The following AP2A1 variants were observed in gnomAD, a reference collection of about 807,000 sequenced individuals.
The protein encoded by AP2A1 is AP-2 complex subunit alpha-1.
A neutral mutation model predicts 107.3 loss-of-function variants in AP2A1; 21 were observed. The ratio of observed to expected loss-of-function variants is 0.20; its 90% CI spans 0.14 to 0.28. The LOEUF (loss-of-function observed/expected upper bound fraction) is 0.28. Among genes scored for constraint, AP2A1 ranks in the 10% least tolerant of loss-of-function variants. The pLI, the probability that AP2A1 is intolerant of heterozygous loss-of-function variation, is 1.00. For missense variants in AP2A1, 873 were observed against 1,307.7 expected, an observed-to-expected ratio of 0.67 and a Z score of 5.13; for synonymous variants, 602 against 564.8, an observed-to-expected ratio of 1.07 and a Z score of -0.93.
chr19:49,787,781 C>T (rs2073091894), intron 4 of AP2A1, among the ~76,000 whole-genome samples: 1 of 152,162 alleles, frequency 6.6e-6, no homozygotes, highest in African/African-American at 2.4e-5. Context: ...GCAGTCCCTC[C>T]CCATTCCCTC....
intron 4 of AP2A1, among the ~76,000 whole-genome samples, chr19:49,783,440 G>A (rs762736040): frequency 6.6e-6 from 1 of 152,174 alleles, no homozygotes; most frequent in Non-Finnish European, 1.5e-5. Context: ...GCAATGAGTT[G>A]TGGTTGCGCC....
At position 49,803,273 on chromosome 19, in the gene AP2A1, C is replaced by G. The variant is rs1303994390; in HGVS notation, c.2255-14C>G. On this transcript the variant is annotated splice_polypyrimidine_tract_variant and intron_variant, in intron 17 of 22. Transcript: ENST00000354293. Reference sequence around the variant, plus strand: ...GGGACTCAGATGGAGCTCTGCCTCCCCCACCTACTGCAGGCCGCATGTATC... The same window carrying G: ...GGGACTCAGATGGAGCTCTGCCTCCGCCACCTACTGCAGGCCGCATGTATC... 6.2e-7 allele frequency: 1 copy of G among 1,613,590 alleles called. No individual in the cohort carries two copies. Among genetic ancestry groups the G allele is most frequent in the Non-Finnish European group, 8.5e-7 (1 of 1,179,730 alleles).
Position 49,801,752 on chromosome 19 carries a change from C to A in AP2A1, c.1816C>A (p.Pro606Thr). The A allele has an allele frequency of 6.4e-7, 1 of 1,567,864 alleles. No homozygotes were observed. Among genetic ancestry groups the A allele is most frequent in the Non-Finnish European group, 8.6e-7 (1 of 1,158,698 alleles). Residue 606 changes from proline (P) to threonine (T), a missense_variant, in exon 14 of 23, where the codon CCC becomes ACC. Transcript: ENST00000354293. ...ATVLEEMPPF[P>T]ERESSILAKL... ...GGTGCTGGAGGAGATGCCGCCCTTCCCCGAGCGCGAGTCGTCCATCCTGGC... is the reference window on the plus strand; with the variant it reads ...GGTGCTGGAGGAGATGCCGCCCTTCACCGAGCGCGAGTCGTCCATCCTGGC...
At chr19:49,791,845 C>T (rs774062400) in intron 4 of AP2A1, 90 bp from the exon 5 acceptor site, 2 of 1,490,216 alleles carry the variant, frequency 1.3e-6, no homozygotes, top group Admixed American at 4.0e-5. Context: ...GCCTCGCACA[C>T]CCTTCCTGGG....
At position 49,806,066 on chromosome 19, in the gene AP2A1, GTGTGGTAACTAACAGC is replaced by G. The variant is rs2073374680; in HGVS notation, c.2656-51_2656-36del. On this transcript the variant is annotated intron_variant, in intron 21 of 22. Transcript: ENST00000354293. ...GTTTTTTGGGATCTGGGATGCCACT[GTGTGGTAACTAACAGC>G]TCTGGCACACTCTGACGGCGCCCCC... is the stretch of plus-strand genomic sequence containing the variant. The G allele has an allele frequency of 3.8e-6, 6 of 1,598,842 alleles. 1 individual carries two copies. The Admixed American group carries it at 1.0e-4, about 28-fold the overall frequency.
chr19:49,802,630 CGG>C, intron 15 of AP2A1: 1 of 659,822 alleles, frequency 1.5e-6, no homozygotes. Flanking sequence ...GGAGGTCGGT[CGG>C]GGGGGCGGAC....
In AP2A1 at chr19:49,806,979, C is replaced by T; in HGVS notation, c.*221C>T. ...AGTCCCCCTCCCTCCCTTTCCCCCC[C>T]AAGCACAGAGGGGAGAGGGGCCAGG... On this transcript the variant is annotated 3_prime_UTR_variant, in exon 23 of 23. Transcript: ENST00000354293. 4 of 1,530,264 alleles carry T rather than the reference C, an allele frequency of 2.6e-6. No homozygotes were observed. Among genetic ancestry groups the T allele is most frequent in the Non-Finnish European group, 3.5e-6 (4 of 1,144,272 alleles). The allele number at this position is 1,530,264 out of a possible 1,614,324, so 94.8% of individuals were successfully genotyped here.
At chr19:49,795,093 A>AG (rs1322653798) in intron 6 of AP2A1, among the ~76,000 whole-genome samples, 1 of 152,190 alleles carries the variant, frequency 6.6e-6, no homozygotes, top group Non-Finnish European at 1.5e-5. Flanking sequence ...CAAGCCTTGT[A>AG]GGGGGACTAC....
Position 49,799,464 on chromosome 19 carries a change from C to T in AP2A1, c.1103C>T (p.Thr368Met), listed in dbSNP as rs1450269477. 2 of 1,611,822 alleles carry T rather than the reference C, an allele frequency of 1.2e-6. No individual in the cohort carries two copies. Among genetic ancestry groups the T allele is most frequent in the Non-Finnish European group, 1.7e-6 (2 of 1,179,456 alleles). The change falls in exon 9 of 23, where the codon ACG becomes ATG. Residue 368 changes from threonine to methionine, a missense_variant. Thr to Met is a moderately conservative substitution (Grantham distance 81). This residue lies in a region of AP2A1 where 213 missense variants were observed against 443.5 expected (regional missense o/e 0.48). Coordinates refer to ENST00000354293, the MANE Select transcript of AP2A1 (RefSeq NM_130787.3). The part of the protein sequence containing the change: ...SSEFSHEAVK[T>M]HIDTVINALK... Reference sequence around the variant, plus strand: ...GAGTTCTCCCATGAAGCCGTCAAGACGCACATTGACACCGTCATCAATGCC... The same window carrying T: ...GAGTTCTCCCATGAAGCCGTCAAGATGCACATTGACACCGTCATCAATGCC...
At chr19:49,779,487 CAAAAAAAAAAA>C (rs370114853) in intron 1 of AP2A1, among the ~76,000 whole-genome samples, 4 of 83,976 alleles carry the variant, frequency 4.8e-5, no homozygotes, top group South Asian at 8.4e-4. Context: ...GCCTGGGCTA[CAAAAAAAAAAA>C]AAAAAAAAAA....
In AP2A1 at chr19:49,801,760, C is replaced by A; in HGVS notation, c.1824C>A (p.Arg608=). ...AGGAGATGCCGCCCTTCCCCGAGCG[C>A]GAGTCGTCCATCCTGGCCAAGCTGA... is the stretch of plus-strand genomic sequence containing the variant. The part of the protein sequence containing the change: ...VLEEMPPFPE[R]ESSILAKLKR... Residue 608 remains arginine (R), a synonymous_variant, in exon 14 of 23, where the codon CGC becomes CGA. Coordinates refer to ENST00000354293, the MANE Select transcript of AP2A1 (RefSeq NM_130787.3). 6.4e-7 allele frequency: 1 copy of A among 1,567,874 alleles called. No individual in the cohort carries two copies. The highest frequency in any genetic ancestry group is 8.6e-7 in the Non-Finnish European group (1 of 1,158,902).
At chr19:49,791,749 C>T (rs974702932) in intron 4 of AP2A1, 186 bp from the exon 5 acceptor site, 11 of 622,248 alleles carry the variant, frequency 1.8e-5, no homozygotes, top group Non-Finnish European at 2.8e-5. Context: ...AATCATTTTG[C>T]AGATGAAGAC....
At position 49,800,132 on chromosome 19, in the gene AP2A1, C is replaced by T. The variant is rs368042642; in HGVS notation, c.1437C>T (p.Ala479=). The change falls in exon 11 of 23, where the codon GCC becomes GCT. Residue 479 remains alanine, a synonymous_variant. Transcript: ENST00000354293. ...VTNRDDVQGY[A]AKTVFEALQA... is the part of the protein sequence containing the mutation. ...ACCGTGATGACGTCCAGGGCTATGC[C>T]GCCAAGACCGTCTTTGAGGTCAGCA... The T allele has an allele frequency of 7.6e-5, 122 of 1,610,946 alleles. No homozygotes were observed. Among genetic ancestry groups the T allele is most frequent in the Middle Eastern group, 3.3e-4 (2 of 6,072 alleles).
At chr19:49,772,426 C>T (rs1467100153) in intron 1 of AP2A1, among the ~76,000 whole-genome samples, 3 of 151,492 alleles carry the variant, frequency 2.0e-5, no homozygotes, top group African/African-American at 7.3e-5. Context: ...GATCTGCCTA[C>T]CTCGGCCTCC....
chr19:49,802,569 C>T (rs1238406659), intron 15 of AP2A1: 1 of 1,603,130 alleles, frequency 6.2e-7, no homozygotes, highest in Non-Finnish European at 8.5e-7. Context: ...AGCCCCATGG[C>T]TTTGCTGGCT....
At position 49,800,118 on chromosome 19, in the gene AP2A1, G is replaced by A. The variant is rs749773354; in HGVS notation, c.1423G>A (p.Val475Ile). 4.3e-5 allele frequency: 69 copies of A among 1,613,468 alleles called. No homozygotes were observed. The highest frequency in any genetic ancestry group is 3.0e-4 in the Admixed American group (18 of 59,976). ...VLQIVTNRDD[V>I]QGYAAKTVFE... ...ACAGATCGTCACCAACCGTGATGAC[G>A]TCCAGGGCTATGCCGCCAAGACCGT... The change falls in exon 11 of 23, where the codon GTC becomes ATC. Residue 475 changes from valine to isoleucine, a missense_variant. Physicochemically the swap from Val to Ile is conservative, Grantham distance 29. Transcript: ENST00000354293.
rs1286184683 is a variant in AP2A1, at chr19:49,803,442, C to T, written c.2344+66C>T. 2.1e-5 allele frequency: 28 copies of T among 1,363,862 alleles called. No individual in the cohort carries two copies. The Admixed American group carries it at 4.1e-4, about 20-fold the overall frequency. The allele number at this position is 1,363,862 out of a possible 1,614,324, so 84.5% of individuals were successfully genotyped here. ...TCGGCCTTCCTCACCGTGGGGAAGC[C>T]GGCTGACCCAGGTCCACACTTCTCT... On this transcript the variant is annotated intron_variant, in intron 18 of 22. Coordinates refer to ENST00000354293, the MANE Select transcript of AP2A1 (RefSeq NM_130787.3).
rs796446008 is a variant in AP2A1, at chr19:49,772,264, T to G, written c.67+5064T>G. Among the ~76,000 whole-genome samples, 73 of 133,538 alleles carry G rather than the reference T, an allele frequency of 5.5e-4. 1 individual carries two copies. Among genetic ancestry groups the G allele is most frequent in the African/African-American group, 1.9e-3 (70 of 35,926 alleles). The allele number at this position is 133,538 out of a possible 152,430, so 87.6% of individuals were successfully genotyped here. The stretch of plus-strand genomic sequence containing the variant: ...TCATAGAGTTTTTTTTTTTTTTTTT[T>G]TTTTTTTTTTTTTGAGATGGAGTCT... On this transcript the variant is annotated intron_variant, in intron 1 of 22. Coordinates refer to ENST00000354293, the MANE Select transcript of AP2A1 (RefSeq NM_130787.3).
chr19:49,791,840 G>A lies in AP2A1; in HGVS notation c.474-95G>A, dbSNP rs376892953. 63 of 1,475,312 alleles carry A rather than the reference G, an allele frequency of 4.3e-5. No individual in the cohort carries two copies. In the African/African-American group the frequency reaches 6.4e-4, roughly 15 times the overall value. The allele number at this position is 1,475,312 out of a possible 1,614,324, so 91.4% of individuals were successfully genotyped here. A position where few individuals can be genotyped will look rare whatever the true frequency, so the allele number is the denominator to read the frequency against. On this transcript the variant is annotated intron_variant, in intron 4 of 22. Transcript: ENST00000354293. The stretch of plus-strand genomic sequence containing the variant: ...GCTGTCTGTCCCTCTCGCTGGCCTC[G>A]CACACCCTTCCTGGGAGGAACAGGA...
Sources: allele counts gnomAD v4.1 joint callset (sites outside exome capture counted in the v4.1 genomes callset), GRCh38; gene constraint gnomAD v4.1.1; regional missense constraint gnomAD v4.1.1; transcripts MANE v1.5; gene names NCBI Gene and HGNC (gene_info 2026-07-23, HGNC 2026-07-21).